Variants in TTLL3 observed in about 807,000 individuals in gnomAD.
TTLL3 encodes tubulin tyrosine ligase like 3.
A neutral mutation model predicts 75.2 loss-of-function variants in TTLL3; 63 were observed. That is an observed-to-expected ratio of 0.84 (90% confidence interval 0.68 to 1.03). The LOEUF is 1.03. TTLL3 is among the 50% of genes least tolerant of loss of function. The probability of loss-of-function intolerance (pLI) is 0.00; values close to 1 mark genes in which losing one functional copy is unlikely to be tolerated. For synonymous variants in TTLL3, 393 were observed against 418.5 expected (o/e 0.94, Z 0.74); for missense variants, 997 against 1,069.9 (o/e 0.93, Z 0.95).
Position 9,817,703 on chromosome 3 carries a change from C to G in TTLL3, c.503C>G (p.Ser168Cys), listed in dbSNP as rs1451868264. The part of the protein sequence containing the change: ...LPWFDEVDAN[S>C]FFPRCYCLGA... Reference sequence around the variant, plus strand: ...TGGTTTGATGAGGTTGATGCCAACTCCTTCTTCCCACGCTGCTACTGCCTG... The same window carrying G: ...TGGTTTGATGAGGTTGATGCCAACTGCTTCTTCCCACGCTGCTACTGCCTG... The change falls in exon 6 of 14, where the codon TCC (serine) becomes TGC (cysteine). Residue 168 changes from serine (S) to cysteine (C), a missense_variant. Transcript: ENST00000685419. 4 of 1,614,058 alleles carry G rather than the reference C, an allele frequency of 2.5e-6. No individual in the cohort carries two copies. The highest frequency in any genetic ancestry group is 3.4e-6 in the Non-Finnish European group (4 of 1,180,046).
In TTLL3 at chr3:9,829,437, C is replaced by T. The variant is rs551928557; in HGVS notation, c.1683+42C>T. 5.8e-6 allele frequency: 9 copies of T among 1,541,852 alleles called. No homozygotes were observed. The East Asian group carries it at 6.8e-5, about 12-fold the overall frequency. ...CAGGCAGGACCCCAGAGAGTCTGCA[C>T]CCTCTTCCAGGCAGCCCTGCAGTGG... is the stretch of plus-strand genomic sequence containing the variant. On this transcript the variant is annotated intron_variant, in intron 11 of 13. Transcript: ENST00000685419.
intron 11 of TTLL3, among the ~76,000 whole-genome samples, chr3:9,830,172 C>T (rs1050432408): frequency 6.6e-6 from 1 of 152,026 alleles, no homozygotes; most frequent in Non-Finnish European, 1.5e-5. Flanking sequence ...GTGCCTGGCA[C>T]GTAGTAAATG....
At chr3:9,813,844 A>C (rs999629565) in intron 4 of TTLL3, among the ~76,000 whole-genome samples, 1 of 152,090 alleles carries the variant, frequency 6.6e-6, no homozygotes, top group Non-Finnish European at 1.5e-5. Context: ...GGGACACAGC[A>C]GGGCTGTGTC....
chr3:9,817,860 A>G (rs950234961), intron 6 of TTLL3, 101 bp downstream of exon 6: 58 of 1,459,868 alleles, frequency 4.0e-5, no homozygotes, highest in Admixed American at 2.8e-4. Context: ...TCATGCCCTC[A>G]TCTGCCTGCC....
At chr3:9,819,132 G>T (rs751419086) in intron 7 of TTLL3, 2 of 614,656 alleles carry the variant, frequency 3.3e-6, no homozygotes, top group Non-Finnish European at 5.6e-6. Flanking sequence ...CTGATCTACC[G>T]ATTCACCCAC....
chr3:9,812,523 T>C (rs891412907), intron 2 of TTLL3, among the ~76,000 whole-genome samples: 2 of 151,320 alleles, frequency 1.3e-5, no homozygotes, highest in African/African-American at 4.9e-5. Flanking sequence ...AAAAAAAAAT[T>C]ATCTGGGCGT....
chr3:9,831,220 CT>C (rs1444407861), intron 11 of TTLL3, among the ~76,000 whole-genome samples: 3 of 152,070 alleles, frequency 2.0e-5, no homozygotes, highest in African/African-American at 7.2e-5. Context: ...GCCCCAGTGC[CT>C]TTTGACCCCA....
Position 9,813,159 on chromosome 3 carries a change from C to G in TTLL3, c.217+48C>G, listed in dbSNP as rs115217024. Reference sequence around the variant, plus strand: ...ACAGCTGTTGCTCCTGAGTCCTTTTCCTTTGGTTCCCACTGTCCCAGAGTT... The same window carrying G: ...ACAGCTGTTGCTCCTGAGTCCTTTTGCTTTGGTTCCCACTGTCCCAGAGTT... On this transcript the variant is annotated intron_variant, in intron 3 of 13. Transcript: ENST00000685419. 2,041 of 1,602,628 alleles carry G rather than the reference C, an allele frequency of 1.3e-3. 15 individuals carry two copies. In the African/African-American group the frequency reaches 0.02, roughly 16 times the overall value.
rs1282931170 is a variant in TTLL3 at position 9,835,446 on chromosome 3, A to G, written c.2405A>G (p.Asp802Gly). 1.2e-6 allele frequency: 2 copies of G among 1,611,476 alleles called. No individual in the cohort carries two copies. The highest frequency in any genetic ancestry group is 1.7e-6 in the Non-Finnish European group (2 of 1,179,576). The change falls in exon 14 of 14, where the codon GAT becomes GGT. Residue 802 changes from aspartate (D) to glycine (G), a missense_variant. By Grantham distance (94) the Asp-to-Gly change is moderately conservative. Coordinates refer to ENST00000685419, the MANE Select transcript of TTLL3 (RefSeq NM_001387446.1). The part of the protein sequence containing the change: ...DSIAVGGSRV[D>G]GARPCTPGST... ...ATTGCTGTTGGAGGGTCAAGAGTGG[A>G]TGGGGCGAGGCCGTGTACCCCAGGG...
chr3:9,831,422 G>A (rs2081518763), intron 11 of TTLL3, among the ~76,000 whole-genome samples: 1 of 152,188 alleles, frequency 6.6e-6, no homozygotes, highest in South Asian at 2.1e-4. Context: ...CAGAGGTGAT[G>A]CCGCGTACCT....
chr3:9,809,974 G>GGGCCCTGGGAGGGCGGGCGCGGGATCAGC (rs1559733235), upstream of TTLL3: 1 of 1,299,716 alleles, frequency 7.7e-7, no homozygotes, highest in African/African-American at 1.5e-5. Context: ...GCGGGATCAG[G>GGGCCCTGGGAGGGCGGGCGCGGGATCAGC]GGCCCTGGGA....
chr3:9,820,849 C>G, intron 8 of TTLL3, 108 bp downstream of exon 8: 3 of 1,481,682 alleles, frequency 2.0e-6, no homozygotes, highest in Non-Finnish European at 2.7e-6. Context: ...GCTCGTTTAC[C>G]CCGCTGTTCT....
upstream of TTLL3, chr3:9,810,229 G>C (rs917640936): frequency 4.6e-6 from 7 of 1,507,958 alleles, no homozygotes; most frequent in Admixed American, 2.1e-5. The surrounding 1 kb of genome is among the most constrained non-coding windows in gnomAD (Gnocchi z 4.4). Context: ...CCAGTCCGAG[G>C]AGGGTCACGC....
Position 9,827,097 on chromosome 3 carries a change from G to A in TTLL3, c.1104G>A (p.Glu368=). The part of the protein sequence containing the change: ...DGKWVVQKYI[E]RPLLIFGTKF... ...AGTGGGTGGTGCAGAAGTATATTGA[G>A]CGGCCCCTCCTCATCTTTGGCACCA... Residue 368 remains glutamate (E), a synonymous_variant, in exon 10 of 14, where the codon GAG becomes GAA. Coordinates refer to ENST00000685419, the MANE Select transcript of TTLL3 (RefSeq NM_001387446.1). 3 of 1,614,234 alleles carry A rather than the reference G, an allele frequency of 1.9e-6. No homozygotes were observed. In the African/African-American group the frequency reaches 4.0e-5, roughly 22 times the overall value.
intron 10 of TTLL3, 74 bp from the exon 11 acceptor site, chr3:9,828,886 C>G (rs528976803): frequency 5.1e-6 from 8 of 1,577,420 alleles, no homozygotes; most frequent in South Asian, 3.5e-5. Context: ...GCTTCCAGGA[C>G]TTGCCTGTCC....
intron 11 of TTLL3, among the ~76,000 whole-genome samples, chr3:9,831,918 C>T (rs111308916): frequency 0.011 from 1,710 of 150,868 alleles, 39 homozygotes; most frequent in African/African-American, 0.04. Context: ...CCTCAGATCC[C>T]GAGTAGCTGG....
chr3:9,819,767 C>T (rs945999501), intron 7 of TTLL3: 14 of 985,400 alleles, frequency 1.4e-5, no homozygotes, highest in African/African-American at 1.0e-4. Context: ...AAAATCCCTG[C>T]CTCTTCCAGA....
chr3:9,826,089 G>T, intron 9 of TTLL3, 141 bp downstream of exon 9: 1 of 1,384,852 alleles, frequency 7.2e-7, no homozygotes, highest in Non-Finnish European at 9.7e-7. Flanking sequence ...TGTGCTTCGT[G>T]ACCTTGAGCA....
In TTLL3 at chr3:9,835,116, G is replaced by A. The variant is rs200768914; in HGVS notation, c.2075G>A (p.Arg692Gln). 1.6e-4 allele frequency: 258 copies of A among 1,611,852 alleles called. 1 individual carries two copies. In the African/African-American group the frequency reaches 2.9e-3, roughly 18 times the overall value. The change falls in exon 14 of 14, where the codon CGA (arginine) becomes CAA (glutamine). Residue 692 changes from arginine to glutamine, a missense_variant. Arg to Gln is a conservative substitution (Grantham distance 43). Transcript: ENST00000685419. Reference sequence around the variant, plus strand: ...GAGGCTCCTGCTCTCCTGTGCCTCCGAGGCCCCCAGCTGGAAGTGCCTTGT... The same window carrying A: ...GAGGCTCCTGCTCTCCTGTGCCTCCAAGGCCCCCAGCTGGAAGTGCCTTGT... The part of the protein sequence containing the change: ...PRKAPALLCL[R>Q]GPQLEVPCCL...
Sources: allele counts gnomAD v4.1 joint callset (sites outside exome capture counted in the v4.1 genomes callset), GRCh38; gene constraint gnomAD v4.1.1; non-coding constraint Gnocchi (gnomAD v3.1); transcripts MANE v1.5; gene names NCBI Gene and HGNC (gene_info 2026-07-23, HGNC 2026-07-21).